Variants in SETX observed in about 807,000 individuals in gnomAD.
The protein encoded by SETX is senataxin, also known as helicase senataxin.
A neutral mutation model predicts 227.2 loss-of-function variants in SETX; 90 were observed. That is an observed-to-expected ratio of 0.40 (90% CI 0.33 to 0.47). The LOEUF is 0.47. Ranked by LOEUF, SETX falls within the 20% of genes least tolerant of loss-of-function variation. SETX has a pLI of 0.91. For synonymous variants in SETX, 1,210 were observed against 1,113.2 expected, an observed-to-expected ratio of 1.09 and a Z score of -1.73; for missense variants, 3,052 against 3,181.5, an observed-to-expected ratio of 0.96 and a Z score of 0.98.
chr9:132,272,664 A>C (rs1302589987), intron 23 of SETX, among the ~76,000 whole-genome samples: 1 of 152,120 alleles, frequency 6.6e-6, no homozygotes, highest in Non-Finnish European at 1.5e-5. Flanking sequence ...TCCTCTCTCC[A>C]TTCCCTGGCA....
In SETX at chr9:132,298,505, T is replaced by C. The variant is rs6597571; in HGVS notation, c.5549-193A>G. 0.25 allele frequency among the ~76,000 whole-genome samples: 38,045 copies of C among 152,032 alleles called. 6,059 individuals are homozygous for C. Among genetic ancestry groups the C allele is most frequent in the East Asian group, 0.67 (3,468 of 5,174 alleles). On this transcript the variant is annotated intron_variant, in intron 12 of 25. Transcript: ENST00000224140. ...CTCCGGAGGCTTATTTTCTAGAAGA[T>C]GGAGGCAGATAACCAAATAAATATG...
intron 18 of SETX, among the ~76,000 whole-genome samples, chr9:132,284,872 AT>A (rs1342695460): frequency 2.8e-4 from 42 of 148,298 alleles, no homozygotes; most frequent in African/African-American, 9.7e-4. Context: ...CCACAAAGCT[AT>A]TTTTTTTGTT....
intron 18 of SETX, 78 bp downstream of exon 18, chr9:132,286,345 G>T: frequency 1.9e-6 from 2 of 1,032,624 alleles, no homozygotes; most frequent in Non-Finnish European, 2.9e-6. Context: ...AAAGCCCATA[G>T]CTTGTCTGAA....
Position 132,316,609 on chromosome 9 carries a change from G to A in SETX, c.5275-4753C>T, listed in dbSNP as rs968028768. 2.6e-5 allele frequency among the ~76,000 whole-genome samples: 4 copies of A among 152,232 alleles called. No individual in the cohort carries two copies. In the South Asian group the frequency reaches 6.2e-4, roughly 24 times the overall value. On this transcript the variant is annotated intron_variant, in intron 10 of 25. Transcript: ENST00000224140. ...CCAAAGTTTATGTGCTATAAAGTAC[G>A]AATCTTAGCCTAATTTGCTTTTTCC... is the stretch of plus-strand genomic sequence containing the variant.
intron 23 of SETX, among the ~76,000 whole-genome samples, chr9:132,274,536 G>A (rs1843060986): frequency 1.3e-5 from 2 of 151,712 alleles, no homozygotes; most frequent in South Asian, 4.2e-4. Context: ...CCGCCTCCTG[G>A]GTTCAAGCGA....
Position 132,327,947 on chromosome 9 carries a change from C to G in SETX, c.3651G>C (p.Thr1217=), listed in dbSNP as rs111419285. 14 of 1,613,884 alleles carry G rather than the reference C, an allele frequency of 8.7e-6. No homozygotes were observed. The African/African-American group carries it at 1.7e-4, about 20-fold the overall frequency. Reference sequence around the variant, plus strand: ...GCTTTGAAGACTTCTTTTGTGAAACCGTAGTGGCTCTCTGAATACGTGAAT... The same window carrying G: ...GCTTTGAAGACTTCTTTTGTGAAACGGTAGTGGCTCTCTGAATACGTGAAT... ...TPNSRIQRAT[T]VSQKKSSKLC... is the part of the protein sequence containing the mutation. Residue 1217 remains threonine (T), a synonymous_variant, in exon 10 of 26, where the codon ACG becomes ACC. Transcript: ENST00000224140.
Position 132,334,709 on chromosome 9 carries a change from G to C in SETX, c.737C>G (p.Thr246Ser), listed in dbSNP as rs1847481832. The C allele has an allele frequency of 2.5e-6, 4 of 1,613,934 alleles. No individual in the cohort carries two copies. The East Asian group carries it at 8.9e-5, about 36-fold the overall frequency. ...ATCCATGGCTTGTTCCTCAAGAATG[G>C]TCAGCAACATGCAAATACCTGTAAG... ...SYWLGICMLL[T>S]ILEEQAMDSL... Residue 246 changes from threonine (T) to serine (S), a missense_variant, in exon 7 of 26, where the codon ACC becomes AGC. Transcript: ENST00000224140.
rs138363625 is a variant in SETX, at chr9:132,342,798, G to A, written c.390C>T (p.Asn130=). The change falls in exon 5 of 26, where the codon AAC becomes AAT. Residue 130 remains asparagine (N), a splice_region_variant and synonymous_variant. Coordinates refer to ENST00000224140, the MANE Select transcript of SETX (RefSeq NM_015046.7). ...YPYLLLHERV[N]ELCVEALCRM... Reference sequence around the variant, plus strand: ...GACAAAGTGCTTCAACACATAACTCGTCTAAAAAGAAAAAAATAAGTAAAA... The same window carrying A: ...GACAAAGTGCTTCAACACATAACTCATCTAAAAAGAAAAAAATAAGTAAAA... 2.5e-4 allele frequency: 398 copies of A among 1,608,750 alleles called. No homozygotes were observed. The highest frequency in any genetic ancestry group is 3.3e-4 in the Non-Finnish European group (389 of 1,175,886).
intron 10 of SETX, among the ~76,000 whole-genome samples, chr9:132,313,185 T>TA (rs960492149): frequency 1.3e-5 from 2 of 152,102 alleles, no homozygotes; most frequent in African/African-American, 4.8e-5. Flanking sequence ...TAAATTTACT[T>TA]AAAAAAACCA....
At chr9:132,291,291 C>T (rs1048348694) in intron 15 of SETX, among the ~76,000 whole-genome samples, 23 of 151,156 alleles carry the variant, frequency 1.5e-4, no homozygotes, top group Non-Finnish European at 3.2e-4. Context: ...CTCAGCCTTC[C>T]GAATAGCTGC....
At chr9:132,314,278 G>A (rs1041517618) in intron 10 of SETX, among the ~76,000 whole-genome samples, 3 of 152,272 alleles carry the variant, frequency 2.0e-5, no homozygotes, top group South Asian at 4.1e-4. Flanking sequence ...TTTTAGTAGA[G>A]ACAGAGTTTC....
Position 132,265,224 on chromosome 9 carries a change from G to GTT in SETX, c.7288-241_7288-240dup, listed in dbSNP as rs397741391. Among the ~76,000 whole-genome samples the GTT allele has an allele frequency of 0.026, 2,759 of 106,386 alleles. 242 individuals are homozygous for GTT. Among genetic ancestry groups the GTT allele is most frequent in the African/African-American group, 0.083 (2,194 of 26,316 alleles). 69.8% of individuals were successfully genotyped at this position (106,386 alleles called of 152,430 possible). ...CCTATAATGGAGAACTTCAACTTTT[G>GTT]TTTTTTTTTTTTTTTTTTTTGAGAC... On this transcript the variant is annotated intron_variant, in intron 25 of 25. Coordinates refer to ENST00000224140, the MANE Select transcript of SETX (RefSeq NM_015046.7).
intron 1 of SETX, among the ~76,000 whole-genome samples, chr9:132,354,320 T>C (rs981193253): frequency 1.4e-4 from 21 of 151,932 alleles, no homozygotes; most frequent in Admixed American, 3.9e-4. Flanking sequence ...AGCCAGGCCC[T>C]GTCTCTGCAA....
chr9:132,341,060 T>C (rs1362182504), intron 5 of SETX, among the ~76,000 whole-genome samples: 1 of 152,036 alleles, frequency 6.6e-6, no homozygotes, highest in African/African-American at 2.4e-5. Flanking sequence ...AAAACAGCCC[T>C]TGTCGGCTGG....
chr9:132,340,322 T>C (rs934044015), intron 5 of SETX, among the ~76,000 whole-genome samples: 15 of 152,348 alleles, frequency 9.8e-5, no homozygotes, highest in South Asian at 2.1e-4. Flanking sequence ...TTCTAGCATG[T>C]TTACTATAAT....
intron 3 of SETX, 82 bp downstream of exon 3, chr9:132,349,170 T>C (rs1373981558): frequency 6.0e-6 from 8 of 1,336,946 alleles, no homozygotes; most frequent in Non-Finnish European, 8.5e-6. Flanking sequence ...ATCATTTCTC[T>C]GAATACTTCC....
intron 10 of SETX, among the ~76,000 whole-genome samples, chr9:132,318,033 T>A (rs925110034): frequency 3.3e-5 from 5 of 152,196 alleles, no homozygotes; most frequent in African/African-American, 1.2e-4. Context: ...CACTTCTCTA[T>A]CCACTTTATT....
intron 23 of SETX, among the ~76,000 whole-genome samples, chr9:132,272,288 G>A (rs1842940988): frequency 6.6e-6 from 1 of 152,024 alleles, no homozygotes; most frequent in Non-Finnish European, 1.5e-5. Context: ...TAAGTGGCTA[G>A]GACTACAGGC....
At chr9:132,331,712 T>C (rs1276700976) in intron 7 of SETX, among the ~76,000 whole-genome samples, 5 of 151,982 alleles carry the variant, frequency 3.3e-5, no homozygotes, top group Admixed American at 6.6e-5. Context: ...AATTACTTAA[T>C]GGGCAAGAAA....
Sources: gnomAD v4.1 joint callset for allele counts (sites outside exome capture counted in the v4.1 genomes callset) on GRCh38, gnomAD v4.1.1 for gene constraint, MANE v1.5 for transcripts, NCBI Gene and HGNC (gene_info 2026-07-23, HGNC 2026-07-21) for gene names.